The following MYBL2 variants were observed in gnomAD, a reference collection of about 807,000 sequenced individuals.
MYBL2 encodes myb-related protein B.
A neutral mutation model predicts 79.9 loss-of-function variants in MYBL2; 28 were observed. That is an observed-to-expected ratio of 0.35 (90% CI 0.26 to 0.48). The LOEUF is 0.48. MYBL2 is among the 20% of genes least tolerant of loss of function. The pLI is 0.99. For synonymous variants in MYBL2, 378 were observed against 361.2 expected, an observed-to-expected ratio of 1.05 and a Z score of -0.53; for missense variants, 735 against 893.9, an observed-to-expected ratio of 0.82 and a Z score of 2.27.
intron 5 of MYBL2, among the ~76,000 whole-genome samples, chr20:43,687,439 T>C (rs1038007004): frequency 6.6e-6 from 1 of 152,228 alleles, no homozygotes; most frequent in Admixed American, 6.5e-5. Context: ...ATGGGCTTTC[T>C]TTAAGAAGAA....
intron 1 of MYBL2, among the ~76,000 whole-genome samples, chr20:43,672,125 C>T (rs970508601): frequency 1.3e-5 from 2 of 151,460 alleles, no homozygotes; most frequent in African/African-American, 4.9e-5. Flanking sequence ...GCAGGAGAAT[C>T]GCCTGAACCT....
Position 43,705,375 on chromosome 20 carries a change from C to T in MYBL2, c.1505+17C>T. The T allele has an allele frequency of 1.3e-6, 2 of 1,586,964 alleles. No individual in the cohort carries two copies. The highest frequency in any genetic ancestry group is 1.7e-6 in the Non-Finnish European group (2 of 1,163,576). ...ACATGCTGCGTGAGTGCTGCAGTGC[C>T]CCCAACCTTCGCCGTCCTCTCCCTC... On this transcript the variant is annotated intron_variant, in intron 9 of 13. Transcript: ENST00000217026.
Position 43,715,989 on chromosome 20 carries a change from G to A in MYBL2, c.2005G>A (p.Gly669Arg), listed in dbSNP as rs779332836. Residue 669 changes from glycine to arginine, a missense_variant, in exon 14 of 14, where the codon GGG becomes AGG. Physicochemically the swap from Gly to Arg is moderately radical, Grantham distance 125 (BLOSUM62 -2). Coordinates refer to ENST00000217026, the MANE Select transcript of MYBL2 (RefSeq NM_002466.4). The stretch of plus-strand genomic sequence containing the variant: ...CAGTGCCTGGAAGACGGTGGCCTGC[G>A]GGGGGACCAGGGACCAGCTTTTCAT... Reference protein sequence around the residue: ...MSSAWKTVACGGTRDQLFMQE... With the variant: ...MSSAWKTVACRGTRDQLFMQE... 1 of 1,611,608 alleles carries A rather than the reference G, an allele frequency of 6.2e-7. No individual in the cohort carries two copies.
At chr20:43,677,609 GC>G (rs1452311712) in intron 2 of MYBL2, among the ~76,000 whole-genome samples, 1 of 152,224 alleles carries the variant, frequency 6.6e-6, no homozygotes, top group Non-Finnish European at 1.5e-5. Flanking sequence ...GACGGAGATG[GC>G]CGCCCGGCCA....
chr20:43,715,664 C>T (rs1196030456), intron 13 of MYBL2, among the ~76,000 whole-genome samples: 1 of 152,200 alleles, frequency 6.6e-6, no homozygotes, highest in African/African-American at 2.4e-5. Context: ...GCTGACCCGT[C>T]TCACTGCTCC....
chr20:43,681,756 T>C, intron 2 of MYBL2, 28 bp from the exon 3 acceptor site: 1 of 1,613,436 alleles, frequency 6.2e-7, no homozygotes, highest in South Asian at 1.1e-5. Context: ...GTATGTGTGC[T>C]GAGCCCCTGT....
chr20:43,710,126 T>C, intron 10 of MYBL2, 64 bp downstream of exon 10: 1 of 1,340,584 alleles, frequency 7.5e-7, no homozygotes, highest in Non-Finnish European at 1.0e-6. Flanking sequence ...CATCCAACCA[T>C]GTTCAGTCCA....
At chr20:43,704,799 G>A (rs1987743687) in intron 8 of MYBL2, among the ~76,000 whole-genome samples, 1 of 152,174 alleles carries the variant, frequency 6.6e-6, no homozygotes, top group Non-Finnish European at 1.5e-5. Flanking sequence ...CTTAGCACTG[G>A]CAAGAGAAGG....
chr20:43,678,551 G>A (rs1242108324), intron 2 of MYBL2, among the ~76,000 whole-genome samples: 1 of 151,936 alleles, frequency 6.6e-6, no homozygotes, highest in Non-Finnish European at 1.5e-5. Flanking sequence ...TCTGCTGTGT[G>A]GGGGATCGAT....
chr20:43,691,805 C>G (rs1987416000), intron 5 of MYBL2, among the ~76,000 whole-genome samples: 1 of 151,534 alleles, frequency 6.6e-6, no homozygotes, highest in Non-Finnish European at 1.5e-5. Flanking sequence ...GCCCAGAGTG[C>G]TGGGATCACA....
At chr20:43,711,654 A>T in intron 11 of MYBL2, 53 bp downstream of exon 11, 4 of 1,478,118 alleles carry the variant, frequency 2.7e-6, no homozygotes, top group South Asian at 2.4e-5. Context: ...GAGCCGTGGC[A>T]TGGGGGAGGC....
intron 9 of MYBL2, among the ~76,000 whole-genome samples, chr20:43,706,965 C>T (rs1453481958): frequency 6.6e-6 from 1 of 151,270 alleles, no homozygotes; most frequent in South Asian, 2.1e-4. Flanking sequence ...CCACTCGCCT[C>T]GGCTTCCCAA....
chr20:43,716,215 ACT>A lies in MYBL2; in HGVS notation c.*132_*133del, dbSNP rs143551801. On this transcript the variant is annotated 3_prime_UTR_variant, in exon 14 of 14. Coordinates refer to ENST00000217026, the MANE Select transcript of MYBL2 (RefSeq NM_002466.4). The stretch of plus-strand genomic sequence containing the variant: ...CCTTCTGCCACCAGCCCCTCCCCAG[ACT>A]CTCAGGTGGAGGCAACAGGGCCATG... The A allele has an allele frequency of 2.8e-3, 3,954 of 1,437,580 alleles. 101 individuals carry two copies. In the African/African-American group the frequency reaches 0.051, roughly 18 times the overall value. The allele number at this position is 1,437,580 out of a possible 1,614,324, so 89.1% of individuals were successfully genotyped here.
chr20:43,706,701 T>A (rs1426426529), intron 9 of MYBL2, among the ~76,000 whole-genome samples: 2 of 53,142 alleles, frequency 3.8e-5, no homozygotes, highest in South Asian at 6.6e-4. Flanking sequence ...ACCCTGTCTG[T>A]ACACAAAAAA....
At chr20:43,678,489 G>C (rs1396214724) in intron 2 of MYBL2, among the ~76,000 whole-genome samples, 1 of 152,108 alleles carries the variant, frequency 6.6e-6, no homozygotes, top group Non-Finnish European at 1.5e-5. Context: ...AAAGATGGAA[G>C]GTTTTTAATG....
At chr20:43,702,452 C>T in intron 7 of MYBL2, 38 bp from the exon 8 acceptor site, 10 of 1,549,112 alleles carry the variant, frequency 6.5e-6, no homozygotes, top group Admixed American at 1.8e-5. Flanking sequence ...GTATTAAGAG[C>T]ATAGTAATTG....
chr20:43,698,027 CTTAATTTG>C (rs1042390579), intron 6 of MYBL2, among the ~76,000 whole-genome samples: 84 of 146,044 alleles, frequency 5.8e-4, no homozygotes, highest in African/African-American at 1.8e-3. Flanking sequence ...CAAATTACCC[CTTAATTTG>C]TTAATTTGTT....
chr20:43,714,593 T>A (rs1987985780), intron 12 of MYBL2, among the ~76,000 whole-genome samples: 1 of 152,146 alleles, frequency 6.6e-6, no homozygotes, highest in East Asian at 1.9e-4. Context: ...TTTTTTTTTT[T>A]AAGTAAGAAA....
Position 43,687,082 on chromosome 20 carries a change from C to T in MYBL2, c.500+10C>T, listed in dbSNP as rs747493788. The T allele has an allele frequency of 1.2e-6, 2 of 1,610,948 alleles. 1 individual carries two copies. Among genetic ancestry groups the T allele is most frequent in the South Asian group, 2.2e-5 (2 of 90,816 alleles). ...AGATGTTGCCAGGGAGGTAAGCTGT[C>T]TTCTTGGGGGTTGGGACAGGTTCCC... On this transcript the variant is annotated intron_variant, in intron 5 of 13. Transcript: ENST00000217026.
Sources: allele counts gnomAD v4.1 joint callset (sites outside exome capture counted in the v4.1 genomes callset), GRCh38; gene constraint gnomAD v4.1.1; transcripts MANE v1.5; gene names NCBI Gene and HGNC (gene_info 2026-07-23, HGNC 2026-07-21).